The following ENTHD1 variants were observed in gnomAD, a reference collection of about 807,000 sequenced individuals.
ENTHD1 encodes the protein ENTH domain-containing protein 1.
In ENTHD1, 23 loss-of-function variants were observed where a neutral mutation model predicts 39.1. The observed-to-expected ratio is 0.59, with a 90% CI of 0.42 to 0.83. The LOEUF is 0.83. Among genes scored for constraint, ENTHD1 ranks in the 40% least tolerant of loss-of-function variants. The pLI is 0.00. For synonymous variants in ENTHD1, 230 were observed against 258.2 expected, an observed-to-expected ratio of 0.89 and a Z score of 1.05; for missense variants, 624 against 705.4, an observed-to-expected ratio of 0.88 and a Z score of 1.31.
At chr22:39,808,866 A>G (rs1394974250) in intron 5 of ENTHD1, among the ~76,000 whole-genome samples, 1 of 152,150 alleles carries the variant, frequency 6.6e-6, no homozygotes, top group Non-Finnish European at 1.5e-5. Flanking sequence ...GAAAGCCTTT[A>G]GTAGTCTCAT....
chr22:39,869,114 G>A (rs2066215416), intron 2 of ENTHD1, among the ~76,000 whole-genome samples: 1 of 152,092 alleles, frequency 6.6e-6, no homozygotes, highest in South Asian at 2.1e-4. Context: ...CCATTACTAG[G>A]TATATATCCA....
intron 5 of ENTHD1, among the ~76,000 whole-genome samples, chr22:39,782,314 G>A (rs751173657): frequency 1.3e-5 from 2 of 151,872 alleles, no homozygotes; most frequent in East Asian, 3.9e-4. Context: ...CAAGATCAAA[G>A]CCGCAATAAA....
intron 2 of ENTHD1, among the ~76,000 whole-genome samples, chr22:39,870,942 G>A (rs1042074336): frequency 6.6e-6 from 1 of 152,064 alleles, no homozygotes; most frequent in African/African-American, 2.4e-5. Flanking sequence ...GGAGGCCGAG[G>A]TGGGAGGATC....
chr22:39,866,287 G>A (rs1376974354), intron 2 of ENTHD1, among the ~76,000 whole-genome samples: 1 of 152,212 alleles, frequency 6.6e-6, no homozygotes, highest in Non-Finnish European at 1.5e-5. Flanking sequence ...ATTCATTTAT[G>A]CAGTCCATTA....
At chr22:39,795,327 G>A (rs1266001074) in intron 5 of ENTHD1, among the ~76,000 whole-genome samples, 3 of 152,134 alleles carry the variant, frequency 2.0e-5, no homozygotes. Flanking sequence ...ATAGTGAGAG[G>A]AGAACTGGCG....
intron 2 of ENTHD1, among the ~76,000 whole-genome samples, chr22:39,884,377 A>G (rs2066364256): frequency 6.6e-6 from 1 of 152,048 alleles, no homozygotes; most frequent in South Asian, 2.1e-4. Context: ...ATGGGGTTTC[A>G]CCATGTTGGC....
intron 6 of ENTHD1, among the ~76,000 whole-genome samples, chr22:39,759,512 CT>C (rs1327957352): frequency 6.6e-6 from 1 of 151,930 alleles, no homozygotes; most frequent in African/African-American, 2.4e-5. Context: ...TTTGATCAGT[CT>C]TAATAGGGAT....
At chr22:39,860,451 C>T (rs2066130444) in intron 3 of ENTHD1, among the ~76,000 whole-genome samples, 1 of 152,166 alleles carries the variant, frequency 6.6e-6, no homozygotes, top group African/African-American at 2.4e-5. Context: ...AGAATCAGAT[C>T]CCCTAAAGAT....
intron 5 of ENTHD1, among the ~76,000 whole-genome samples, chr22:39,797,821 G>C (rs370793318): frequency 2.0e-5 from 3 of 152,110 alleles, no homozygotes; most frequent in Admixed American, 6.5e-5. Context: ...TCTGACAGGA[G>C]TACCCTCATA....
At chr22:39,790,194 T>C (rs906544192) in intron 5 of ENTHD1, among the ~76,000 whole-genome samples, 11 of 152,130 alleles carry the variant, frequency 7.2e-5, no homozygotes, top group Non-Finnish European at 1.3e-4. Flanking sequence ...AGGAATGGCA[T>C]GGTATGTCTT....
intron 5 of ENTHD1, among the ~76,000 whole-genome samples, chr22:39,785,811 T>A (rs891647186): frequency 1.3e-5 from 2 of 152,168 alleles, no homozygotes. Flanking sequence ...ATTCACAATG[T>A]CATTTCATAG....
chr22:39,753,233 G>C (rs1010465599), intron 6 of ENTHD1, among the ~76,000 whole-genome samples: 1 of 152,184 alleles, frequency 6.6e-6, no homozygotes, highest in South Asian at 2.1e-4. Flanking sequence ...TGTGGCTTAT[G>C]AGAATATACT....
intron 6 of ENTHD1, among the ~76,000 whole-genome samples, chr22:39,763,243 TATCATCAGA>T (rs2065250219): frequency 6.6e-6 from 1 of 152,210 alleles, no homozygotes; most frequent in Non-Finnish European, 1.5e-5. Context: ...TGTTTCCTTG[TATCATCAGA>T]ATCATCAGAA....
rs1169689250 is a variant in ENTHD1 at position 39,743,550 on chromosome 22, A to G, written c.*129T>C. Reference sequence around the variant, plus strand: ...AGTATTAGTTTGAAAGATACTTGCTAATAAACCTGACAAGGAAAAATTAAA... The same window carrying G: ...AGTATTAGTTTGAAAGATACTTGCTGATAAACCTGACAAGGAAAAATTAAA... On this transcript the variant is annotated 3_prime_UTR_variant, in exon 7 of 7. Transcript: ENST00000325157. 34 of 1,124,208 alleles carry G rather than the reference A, an allele frequency of 3.0e-5. No homozygotes were observed. Among genetic ancestry groups the G allele is most frequent in the Non-Finnish European group, 4.1e-5 (34 of 821,884 alleles). The allele number at this position is 1,124,208 out of a possible 1,614,324, so 69.6% of individuals were successfully genotyped here. A position where few individuals can be genotyped will look rare whatever the true frequency, so the allele number is the denominator to read the frequency against.
chr22:39,765,174 T>TG (rs2065264667), intron 6 of ENTHD1, 49 bp downstream of exon 6: 12 of 1,312,682 alleles, frequency 9.1e-6, no homozygotes, highest in Admixed American at 5.6e-5. Context: ...AGAGGTTTTT[T>TG]GTTGTGTGTG....
At chr22:39,804,497 AAT>A (rs2065625373) in intron 5 of ENTHD1, among the ~76,000 whole-genome samples, 1 of 151,984 alleles carries the variant, frequency 6.6e-6, no homozygotes, top group African/African-American at 2.4e-5. Context: ...AGCACTTCTC[AAT>A]ATCCCATTTC....
At chr22:39,769,568 G>C (rs76582065) in intron 5 of ENTHD1, among the ~76,000 whole-genome samples, 9,890 of 152,146 alleles carry the variant, frequency 0.065, 365 homozygotes, top group South Asian at 0.12. Flanking sequence ...CAAGTCTAAG[G>C]GCTCTGGAGA....
rs57398699 is a variant in ENTHD1 at position 39,773,117 on chromosome 22, C to CAA, written c.833-7510_833-7509dup. Reference sequence around the variant, plus strand: ...TGGGCAACATAGTGAGACCTCATCTCAAAAAAAAAAAAAAAAAAAAAAAAA... The same window carrying CAA: ...TGGGCAACATAGTGAGACCTCATCTCAAAAAAAAAAAAAAAAAAAAAAAAAAA... On this transcript the variant is annotated intron_variant, in intron 5 of 6. Coordinates refer to ENST00000325157, the MANE Select transcript of ENTHD1 (RefSeq NM_152512.4). Among the ~76,000 whole-genome samples, 126 of 36,112 alleles carry CAA rather than the reference C, an allele frequency of 3.5e-3. 10 individuals carry two copies. Among genetic ancestry groups the CAA allele is most frequent in the African/African-American group, 9.5e-3 (93 of 9,752 alleles). The allele number at this position is 36,112 out of a possible 152,430, so 23.7% of individuals were successfully genotyped here. A position where few individuals can be genotyped will look rare whatever the true frequency, so the allele number is the denominator to read the frequency against.
intron 6 of ENTHD1, among the ~76,000 whole-genome samples, chr22:39,764,695 A>G (rs2065260923): frequency 6.6e-6 from 1 of 151,248 alleles, no homozygotes; most frequent in Non-Finnish European, 1.5e-5. Flanking sequence ...CAGTCTAAAC[A>G]ATACTGCAAT....
Sources: allele counts gnomAD v4.1 joint callset (sites outside exome capture counted in the v4.1 genomes callset), GRCh38; gene constraint gnomAD v4.1.1; transcripts MANE v1.5; gene names NCBI Gene and HGNC (gene_info 2026-07-23, HGNC 2026-07-21).